PRELID3A: variants seen among roughly 807,000 people sequenced by gnomAD.
PRELID3A encodes the protein PRELI domain containing 3A, also known as PRELI domain containing protein 3A.
A neutral mutation model predicts 23.0 loss-of-function variants in PRELID3A; 27 were observed. The observed-to-expected ratio is 1.17, with a 90% CI of 0.87 to 1.62. The LOEUF is 1.62. Among genes scored for constraint, PRELID3A ranks in the 40% most tolerant of loss-of-function variants. The pLI, the probability that PRELID3A is intolerant of heterozygous loss-of-function variation, is 0.00. For synonymous variants in PRELID3A, 87 were observed against 86.4 expected, an observed-to-expected ratio of 1.01 and a Z score of -0.04; for missense variants, 231 against 231.4, an observed-to-expected ratio of 1.00 and a Z score of 0.01.
At chr18:12,413,741 G>A (rs992254125) in intron 1 of PRELID3A, among the ~76,000 whole-genome samples, 1 of 152,154 alleles carries the variant, frequency 6.6e-6, no homozygotes, top group East Asian at 1.9e-4. Flanking sequence ...GTCTCACCAC[G>A]GCCTACTAAT....
chr18:12,423,288 A>C (rs1037000392), intron 3 of PRELID3A, among the ~76,000 whole-genome samples: 1 of 152,172 alleles, frequency 6.6e-6, no homozygotes, highest in Non-Finnish European at 1.5e-5. Context: ...AGAGGGAGCC[A>C]CTGAGAGTTT....
intron 1 of PRELID3A, among the ~76,000 whole-genome samples, chr18:12,413,849 G>A (rs1312095426): frequency 6.6e-6 from 1 of 152,206 alleles, no homozygotes; most frequent in Non-Finnish European, 1.5e-5. Context: ...CTCCCAAAGT[G>A]CTGGGATTAC....
intron 3 of PRELID3A, among the ~76,000 whole-genome samples, chr18:12,426,563 A>AAAAAAAAAAAAAAAAGAAAG (rs67993774): frequency 1.1e-5 from 1 of 87,720 alleles, no homozygotes; most frequent in African/African-American, 4.3e-5. Flanking sequence ...CAAAAAAAAA[A>AAAAAAAAAAAAAAAAGAAAG]AAAGTATAAA....
Position 12,420,308 on chromosome 18 carries a change from C to A in PRELID3A, c.33-17C>A. ...GGCCCCGGCGCTTGCTCACCGCCGC[C>A]TATGCTCTCCCCGCAGCCACCCGTG... is the stretch of plus-strand genomic sequence containing the variant. On this transcript the variant is annotated splice_polypyrimidine_tract_variant and intron_variant, in intron 1 of 6. Coordinates refer to ENST00000440960, the MANE Select transcript of PRELID3A (RefSeq NM_001142405.2). 1.3e-6 allele frequency: 2 copies of A among 1,592,296 alleles called. No homozygotes were observed. Among genetic ancestry groups the A allele is most frequent in the Non-Finnish European group, 1.7e-6 (2 of 1,170,230 alleles).
chr18:12,425,489 A>G (rs563636948), intron 3 of PRELID3A, among the ~76,000 whole-genome samples: 147 of 146,514 alleles, frequency 1.0e-3, no homozygotes, highest in Non-Finnish European at 1.7e-3. Context: ...AAAATTAGCC[A>G]GGCATGGTGG....
Position 12,426,423 on chromosome 18 carries a change from A to G in PRELID3A, c.292-618A>G, listed in dbSNP as rs536883456. Among the ~76,000 whole-genome samples the G allele has an allele frequency of 6.0e-4, 90 of 151,170 alleles. No homozygotes were observed. The East Asian group carries it at 7.6e-3, about 13-fold the overall frequency. ...CAAAAAATTAGCTGGGCATGGTGGC[A>G]GGTGCCTGTAGTCCCAGCTACTCGG... On this transcript the variant is annotated intron_variant, in intron 3 of 6. Coordinates refer to ENST00000440960, the MANE Select transcript of PRELID3A (RefSeq NM_001142405.2).
At chr18:12,417,889 A>C (rs2030015270) in intron 1 of PRELID3A, among the ~76,000 whole-genome samples, 1 of 152,184 alleles carries the variant, frequency 6.6e-6, no homozygotes, top group South Asian at 2.1e-4. Context: ...CAGCTTAGTG[A>C]CACAATTGCA....
In PRELID3A at chr18:12,429,397, G is replaced by A. The variant is rs1268831538; in HGVS notation, c.513G>A (p.Val171=). ...EWIIEHSESA[V]S ...TAATTGAACACTCTGAAAGCGCTGTGAGCTAAGGAGGCCTGTGCCTGTGCT... is the reference window on the plus strand; with the variant it reads ...TAATTGAACACTCTGAAAGCGCTGTAAGCTAAGGAGGCCTGTGCCTGTGCT... The change falls in exon 6 of 7, where the codon GTG becomes GTA. Residue 171 remains valine (V), a synonymous_variant. Transcript: ENST00000440960. The A allele has an allele frequency of 1.2e-6, 2 of 1,613,708 alleles. No individual in the cohort carries two copies. The highest frequency in any genetic ancestry group is 2.2e-5 in the East Asian group (1 of 44,874).
At chr18:12,426,563 A>AAAAAAAG (rs67993774) in intron 3 of PRELID3A, among the ~76,000 whole-genome samples, 2 of 87,720 alleles carry the variant, frequency 2.3e-5, no homozygotes, top group Admixed American at 3.6e-4. Context: ...CAAAAAAAAA[A>AAAAAAAG]AAAGTATAAA....
chr18:12,421,184 G>GC, intron 2 of PRELID3A: 1 of 237,198 alleles, frequency 4.2e-6, no homozygotes, highest in Non-Finnish European at 8.1e-6. Flanking sequence ...TGCACCTGCT[G>GC]CCCCCAGCCT....
rs1458350961 is a variant in PRELID3A, at chr18:12,431,986, T to G, written c.*870T>G. On this transcript the variant is annotated 3_prime_UTR_variant, in exon 7 of 7. Transcript: ENST00000440960. ...TTTGAGGGACAACGACCAAAGGTCT[T>G]TTCCCCACCATCTTTAAATCAAAGT... 1 of 152,214 alleles carries G rather than the reference T, an allele frequency of 6.6e-6. No homozygotes were observed. Among genetic ancestry groups the G allele is most frequent in the African/African-American group, 2.4e-5 (1 of 41,456 alleles). 9.4% of individuals were successfully genotyped at this position (152,214 alleles called of 1,614,324 possible). A position where few individuals can be genotyped will look rare whatever the true frequency, so the allele number is the denominator to read the frequency against.
At chr18:12,427,704 A>T (rs970785793) in intron 5 of PRELID3A, among the ~76,000 whole-genome samples, 13 of 151,128 alleles carry the variant, frequency 8.6e-5, no homozygotes, top group African/African-American at 3.2e-4. Flanking sequence ...AAAAAAAAAT[A>T]AAAATAAAAA....
chr18:12,413,382 A>G (rs1482962015), intron 1 of PRELID3A, among the ~76,000 whole-genome samples: 2 of 152,152 alleles, frequency 1.3e-5, no homozygotes, highest in Non-Finnish European at 2.9e-5. Flanking sequence ...GCTTGAGGCT[A>G]CAGTGACAGA....
intron 1 of PRELID3A, among the ~76,000 whole-genome samples, chr18:12,416,080 C>T (rs1568161291): frequency 6.6e-6 from 1 of 152,228 alleles, no homozygotes; most frequent in Non-Finnish European, 1.5e-5. Flanking sequence ...CTGCCTCAAC[C>T]AGGCAGCTGA....
chr18:12,430,688 T>C (rs965764305), intron 6 of PRELID3A, among the ~76,000 whole-genome samples: 1 of 150,734 alleles, frequency 6.6e-6, no homozygotes, highest in African/African-American at 2.4e-5. Flanking sequence ...ATGTGATTGG[T>C]GTGTGCTGTG....
At chr18:12,410,129 C>A (rs1909860847) in intron 1 of PRELID3A, among the ~76,000 whole-genome samples, 1 of 152,226 alleles carries the variant, frequency 6.6e-6, no homozygotes, top group African/African-American at 2.4e-5. Context: ...TTTCACTTAG[C>A]ATGATTTTCT....
chr18:12,422,675 G>T lies in PRELID3A; in HGVS notation c.291+1046G>T, dbSNP rs529741936. On this transcript the variant is annotated intron_variant, in intron 3 of 6. Coordinates refer to ENST00000440960, the MANE Select transcript of PRELID3A (RefSeq NM_001142405.2). ...CCTGGCCCCAACAGGTATTTTTAAA[G>T]CTACTTCCCCCCTTCACTCCTCTCT... Among the ~76,000 whole-genome samples the T allele has an allele frequency of 3.3e-5, 5 of 152,152 alleles. No homozygotes were observed. In the South Asian group the frequency reaches 1.0e-3, roughly 32 times the overall value.
chr18:12,420,606 TC>T lies in PRELID3A; in HGVS notation c.201+114del, dbSNP rs968491067. The T allele has an allele frequency of 2.5e-4, 181 of 735,926 alleles. 1 individual carries two copies. The highest frequency in any genetic ancestry group is 2.3e-4 in the Admixed American group (5 of 21,890). 45.6% of individuals were successfully genotyped at this position (735,926 alleles called of 1,614,324 possible). A position where few individuals can be genotyped will look rare whatever the true frequency, so the allele number is the denominator to read the frequency against. ...AGTGCCTCTGCTGCTTTGGCTGCCATCGGGGTGGGAGGGCGGCGGGGGGCCT... is the reference window on the plus strand; with the variant it reads ...AGTGCCTCTGCTGCTTTGGCTGCCATGGGGTGGGAGGGCGGCGGGGGGCCT... On this transcript the variant is annotated intron_variant, in intron 2 of 6. Transcript: ENST00000440960.
chr18:12,411,244 G>C (rs1909897490), intron 1 of PRELID3A, among the ~76,000 whole-genome samples: 1 of 151,724 alleles, frequency 6.6e-6, no homozygotes, highest in Admixed American at 6.6e-5. Context: ...GTTTCACAAG[G>C]TCAGGAGATT....
Sources: gnomAD v4.1 joint callset for allele counts (sites outside exome capture counted in the v4.1 genomes callset) on GRCh38, gnomAD v4.1.1 for gene constraint, MANE v1.5 for transcripts, NCBI Gene and HGNC (gene_info 2026-07-23, HGNC 2026-07-21) for gene names.